Variants in CCBE1 observed in about 807,000 individuals in gnomAD.
The protein encoded by CCBE1 is collagen and calcium-binding EGF domain-containing protein 1.
Under a neutral mutation model 50.0 loss-of-function variants are expected in CCBE1, and 37 were observed. That is an observed-to-expected ratio of 0.74 (90% CI 0.57 to 0.97). The LOEUF is 0.97. Among genes scored for constraint, CCBE1 ranks in the 50% least tolerant of loss-of-function variants. The probability of loss-of-function intolerance (pLI) is 0.00; values close to 1 mark genes in which losing one functional copy is unlikely to be tolerated. For missense variants in CCBE1, 538 were observed against 523.8 expected (o/e 1.03, Z -0.26); for synonymous variants, 234 against 203.7 (o/e 1.15, Z -1.27).
At position 59,636,280 on chromosome 18, in the gene CCBE1, GAGGCAAAA is replaced by G. The variant is rs1170837652; in HGVS notation, c.212+60341_212+60348del. ...ATTAAAACAAGACAAAATAGACATT[GAGGCAAAA>G]AGGCAAAAAGCACTTAGGATAAAGA... On this transcript the variant is annotated intron_variant, in intron 2 of 10. Transcript: ENST00000439986. 2.6e-5 allele frequency among the ~76,000 whole-genome samples: 4 copies of G among 152,168 alleles called. No homozygotes were observed. In the East Asian group the frequency reaches 7.7e-4, roughly 29 times the overall value.
chr18:59,434,149 A>G lies in CCBE1; in HGVS notation c.*1759T>C, dbSNP rs1374000369. On this transcript the variant is annotated 3_prime_UTR_variant, in exon 11 of 11. Transcript: ENST00000439986. ...GTGATCTCCCCGCCTCAGCCTCCCA[A>G]AGTGCTGGGATTAGAGGCGTGGGCT... 6.6e-6 allele frequency: 1 copy of G among 152,150 alleles called. No individual in the cohort carries two copies. Among genetic ancestry groups the G allele is most frequent in the Non-Finnish European group, 1.5e-5 (1 of 68,074 alleles). The allele number at this position is 152,150 out of a possible 1,614,324, so 9.4% of individuals were successfully genotyped here.
intron 2 of CCBE1, among the ~76,000 whole-genome samples, chr18:59,677,539 C>T (rs1300055998): frequency 6.6e-6 from 1 of 152,110 alleles, no homozygotes; most frequent in Non-Finnish European, 1.5e-5. Context: ...CTAGTCTATA[C>T]ACGCCACCAA....
chr18:59,631,096 T>C (rs2144626092), intron 2 of CCBE1, among the ~76,000 whole-genome samples: 1 of 152,270 alleles, frequency 6.6e-6, no homozygotes, highest in East Asian at 1.9e-4. Flanking sequence ...GGTGGTCCCA[T>C]GACCTAGATG....
chr18:59,553,675 T>G (rs1916009783), intron 2 of CCBE1, among the ~76,000 whole-genome samples: 1 of 152,222 alleles, frequency 6.6e-6, no homozygotes, highest in Admixed American at 6.5e-5. Context: ...ACACTTTAGG[T>G]GCTCTGTAGG....
intron 2 of CCBE1, among the ~76,000 whole-genome samples, chr18:59,636,827 A>G (rs960325498): frequency 2.0e-5 from 3 of 152,250 alleles, no homozygotes; most frequent in Non-Finnish European, 4.4e-5. Flanking sequence ...TAAAATAAAC[A>G]ATAGTATCTA....
chr18:59,467,147 G>A (rs1430332344), intron 4 of CCBE1, among the ~76,000 whole-genome samples: 1 of 152,250 alleles, frequency 6.6e-6, no homozygotes, highest in Non-Finnish European at 1.5e-5. Context: ...CGCAAGTCAT[G>A]TGGCTTAGAC....
intron 2 of CCBE1, among the ~76,000 whole-genome samples, chr18:59,673,448 C>T (rs2054460649): frequency 6.6e-6 from 1 of 152,096 alleles, no homozygotes. Flanking sequence ...GAGACTCCAT[C>T]TCAAAAAATA....
At chr18:59,560,587 GC>G (rs1210008736) in intron 2 of CCBE1, among the ~76,000 whole-genome samples, 2 of 152,126 alleles carry the variant, frequency 1.3e-5, no homozygotes, top group Middle Eastern at 3.2e-3. Context: ...TGCACGTTCT[GC>G]ACACGTATCC....
chr18:59,673,269 G>A (rs576736502), intron 2 of CCBE1, among the ~76,000 whole-genome samples: 161 of 152,232 alleles, frequency 1.1e-3, no homozygotes, highest in African/African-American at 3.6e-3. Flanking sequence ...TGGCCAACAC[G>A]GCATAACCCT....
At chr18:59,620,393 C>T (rs982802597) in intron 2 of CCBE1, among the ~76,000 whole-genome samples, 6 of 152,190 alleles carry the variant, frequency 3.9e-5, no homozygotes, top group Non-Finnish European at 5.9e-5. Context: ...AATGTGGCCA[C>T]TGCCCTGAAG....
rs1021453953 is a variant in CCBE1, at chr18:59,524,119, G to A, written c.213-43881C>T. Among the ~76,000 whole-genome samples, 19 of 152,092 alleles carry A rather than the reference G, an allele frequency of 1.2e-4. No homozygotes were observed. The South Asian group carries it at 3.5e-3, about 28-fold the overall frequency. Reference sequence around the variant, plus strand: ...GCAGATTGCTTGAGGTCAGGAGTTCGAGACCAGCCTGACCAACATCATGAA... The same window carrying A: ...GCAGATTGCTTGAGGTCAGGAGTTCAAGACCAGCCTGACCAACATCATGAA... On this transcript the variant is annotated intron_variant, in intron 2 of 10. Coordinates refer to ENST00000439986, the MANE Select transcript of CCBE1 (RefSeq NM_133459.4).
rs571264513 is a variant in CCBE1, at chr18:59,599,673, G to A, written c.212+96956C>T. Among the ~76,000 whole-genome samples the A allele has an allele frequency of 3.3e-5, 5 of 152,244 alleles. No individual in the cohort carries two copies. The East Asian group carries it at 9.6e-4, about 29-fold the overall frequency. On this transcript the variant is annotated intron_variant, in intron 2 of 10. Transcript: ENST00000439986. ...CTTTCTGACCATGAGATCCTGAGCA[G>A]GATTACTTACTGTCTCTGTGTCTTA...
chr18:59,528,192 G>C (rs1431403943), intron 2 of CCBE1, among the ~76,000 whole-genome samples: 1 of 151,996 alleles, frequency 6.6e-6, no homozygotes, highest in Non-Finnish European at 1.5e-5. Context: ...ATTCTTTTCT[G>C]TCTGATCTTG....
At chr18:59,592,051 A>C (rs996354713) in intron 2 of CCBE1, among the ~76,000 whole-genome samples, 2 of 152,140 alleles carry the variant, frequency 1.3e-5, no homozygotes, top group East Asian at 3.9e-4. Context: ...TGTTTCATGC[A>C]CAAAATTACC....
At chr18:59,480,110 T>C in intron 3 of CCBE1, 76 bp downstream of exon 3, 1 of 969,280 alleles carries the variant, frequency 1.0e-6, no homozygotes, top group Non-Finnish European at 1.7e-6. Context: ...CTATATTCCA[T>C]GAACATCTGA....
At chr18:59,603,715 T>A (rs765285644) in intron 2 of CCBE1, among the ~76,000 whole-genome samples, 1 of 152,218 alleles carries the variant, frequency 6.6e-6, no homozygotes, top group Non-Finnish European at 1.5e-5. Flanking sequence ...TATCTTTCTA[T>A]AAAGAGACAC....
At chr18:59,696,829 A>C in intron 1 of CCBE1, 120 bp from the exon 2 acceptor site, 6 of 1,122,792 alleles carry the variant, frequency 5.3e-6, no homozygotes, top group Admixed American at 1.8e-5. Context: ...CGCTCTGGGC[A>C]GGGGCTGGTC....
intron 2 of CCBE1, among the ~76,000 whole-genome samples, chr18:59,623,933 T>C (rs1017524079): frequency 4.6e-5 from 7 of 152,220 alleles, no homozygotes; most frequent in African/African-American, 1.2e-4. Flanking sequence ...AAATGAATTG[T>C]GTGGTTTTTA....
At chr18:59,527,579 C>G (rs568555589) in intron 2 of CCBE1, among the ~76,000 whole-genome samples, 1 of 152,304 alleles carries the variant, frequency 6.6e-6, no homozygotes, top group East Asian at 1.9e-4. Context: ...AGTTGCTTCA[C>G]AGTGTCATTG....
Sources: gnomAD v4.1 joint callset for allele counts (sites outside exome capture counted in the v4.1 genomes callset) on GRCh38, gnomAD v4.1.1 for gene constraint, MANE v1.5 for transcripts, NCBI Gene and HGNC (gene_info 2026-07-23, HGNC 2026-07-21) for gene names.